The following TYK2 variants were observed in gnomAD, a reference collection of about 807,000 sequenced individuals.
TYK2 encodes tyrosine kinase 2.
TYK2 carries 65 observed loss-of-function variants against 130.9 expected under a neutral mutation model. That is an observed-to-expected ratio of 0.50 (90% CI 0.41 to 0.61). The LOEUF (loss-of-function observed/expected upper bound fraction) is 0.61. TYK2 is among the 20% of genes least tolerant of loss of function. The probability of loss-of-function intolerance (pLI) is 0.00; values close to 1 mark genes in which losing one functional copy is unlikely to be tolerated. For missense variants in TYK2, 1,378 were observed against 1,610.7 expected, an observed-to-expected ratio of 0.86 and a Z score of 2.47; for synonymous variants, 647 against 658.9, an observed-to-expected ratio of 0.98 and a Z score of 0.28.
In TYK2 at chr19:10,362,615, C is replaced by T. The variant is rs2041466688; in HGVS notation, c.1410G>A (p.Leu470=). The change falls in exon 10 of 25, where the codon CTG becomes CTA. Residue 470 remains leucine, a synonymous_variant. Coordinates refer to ENST00000525621, the MANE Select transcript of TYK2 (RefSeq NM_003331.5). ...GGCTGGTGCTCCAGTGAATGAGGTA[C>T]AGGCCGTCCTCGGGCCGCAGCTTGG... The part of the protein sequence containing the change: ...VQAKLRPEDG[L]YLIHWSTSHP... The T allele has an allele frequency of 1.3e-6, 2 of 1,552,760 alleles. No individual in the cohort carries two copies. Among genetic ancestry groups the T allele is most frequent in the Non-Finnish European group, 1.7e-6 (2 of 1,147,560 alleles).
Position 10,361,590 on chromosome 19 carries a change from G to A in TYK2, c.1968C>T (p.Tyr656=), listed in dbSNP as rs764154157. 1.3e-5 allele frequency: 20 copies of A among 1,548,990 alleles called. No homozygotes were observed. The highest frequency in any genetic ancestry group is 6.9e-5 in the African/African-American group (5 of 72,966). ...CCTGGCTCATGAGGCTGGCTGTCTC[G>A]TAGAAGGCCTGTGGGGACCGGGCAG... ...PSHHDIALAF[Y]ETASLMSQVS... is the part of the protein sequence containing the mutation. The change falls in exon 14 of 25, where the codon TAC becomes TAT. Residue 656 remains tyrosine (Y), a synonymous_variant. Coordinates refer to ENST00000525621, the MANE Select transcript of TYK2 (RefSeq NM_003331.5). This position sits in a 1 kb window ranked among gnomAD's most constrained non-coding sequence, Gnocchi z 4.0.
chr19:10,376,288 C>T (rs908427233), intron 3 of TYK2, among the ~76,000 whole-genome samples: 1 of 96,538 alleles, frequency 1.0e-5, no homozygotes, highest in African/African-American at 4.4e-5. Flanking sequence ...GTTGGGATTA[C>T]AGGCATGAGC....
At chr19:10,352,218 C>T (rs1011718978) in intron 23 of TYK2, among the ~76,000 whole-genome samples, 1 of 151,920 alleles carries the variant, frequency 6.6e-6, no homozygotes. Context: ...ACTACAGGCG[C>T]CCGCCACCAC....
intron 17 of TYK2, 179 bp from the exon 18 acceptor site, chr19:10,356,897 C>T (rs988501157): frequency 1.5e-6 from 1 of 666,328 alleles, no homozygotes; most frequent in Non-Finnish European, 2.6e-6. Flanking sequence ...GCCGTAGAAC[C>T]AGGACTGGGA....
Position 10,353,723 on chromosome 19 carries a change from G to A in TYK2, c.2909-77C>T, listed in dbSNP as rs537502768. On this transcript the variant is annotated intron_variant, in intron 20 of 24. Transcript: ENST00000525621. The surrounding 1 kb of genome is among the most constrained non-coding windows in gnomAD (Gnocchi z 6.9). ...GACCGCCTACCTTGAGCCCAGCAGAGCCCCTCCAAGGTCGGGAGGGAAGGC... is the reference window on the plus strand; with the variant it reads ...GACCGCCTACCTTGAGCCCAGCAGAACCCCTCCAAGGTCGGGAGGGAAGGC... 6.6e-5 allele frequency: 76 copies of A among 1,156,862 alleles called. No individual in the cohort carries two copies. Among genetic ancestry groups the A allele is most frequent in the Non-Finnish European group, 8.8e-5 (74 of 836,662 alleles). 71.7% of individuals were successfully genotyped at this position (1,156,862 alleles called of 1,614,324 possible).
At chr19:10,356,480 CAGA>C in intron 18 of TYK2, 85 bp downstream of exon 18, 1 of 1,555,826 alleles carries the variant, frequency 6.4e-7, no homozygotes, top group Non-Finnish European at 8.8e-7. Context: ...AACCACTGTG[CAGA>C]GACCTCTCGT....
At position 10,362,313 on chromosome 19, in the gene TYK2, G is replaced by C. The variant is rs72561471; in HGVS notation, c.1620C>G (p.Ala540=). ...GACGCAGAGAGAAGCAGTCATCCCCGGCCCTCAGCAAGCAGCCCTGCAAGG... is the reference window on the plus strand; with the variant it reads ...GACGCAGAGAGAAGCAGTCATCCCCCGCCCTCAGCAAGCAGCCCTGCAAGG... ...GAALQGCLLR[A]GDDCFSLRRC... is the part of the protein sequence containing the mutation. Residue 540 remains alanine (A), a synonymous_variant, in exon 11 of 25, where the codon GCC becomes GCG. Transcript: ENST00000525621. 1 of 1,614,124 alleles carries C rather than the reference G, an allele frequency of 6.2e-7. No individual in the cohort carries two copies. Among genetic ancestry groups the C allele is most frequent in the Non-Finnish European group, 8.5e-7 (1 of 1,180,000 alleles).
In TYK2 at chr19:10,352,437, G is replaced by A. The variant is rs373614901; in HGVS notation, c.3315C>T (p.Pro1105=). The change falls in exon 23 of 25, where the codon CCC becomes CCT. Residue 1105 remains proline (P), a synonymous_variant. Transcript: ENST00000525621. The part of the protein sequence containing the change: ...LTHCDSSQSP[P]TKFLELIGIA... Reference sequence around the variant, plus strand: ...GGGCTGCGGGCCTGGCTCTCACCGTGGGGGGGCTCTGGCTGGAGTCACAGT... The same window carrying A: ...GGGCTGCGGGCCTGGCTCTCACCGTAGGGGGGCTCTGGCTGGAGTCACAGT... 3 of 1,602,890 alleles carry A rather than the reference G, an allele frequency of 1.9e-6. No individual in the cohort carries two copies. The highest frequency in any genetic ancestry group is 2.6e-6 in the Non-Finnish European group (3 of 1,171,174).
intron 18 of TYK2, 78 bp from the exon 19 acceptor site, chr19:10,354,687 G>T: frequency 8.4e-7 from 1 of 1,196,782 alleles, no homozygotes; most frequent in Non-Finnish European, 1.2e-6. Flanking sequence ...CACAAAGCCA[G>T]CCACAGCTAC....
At position 10,356,584 on chromosome 19, in the gene TYK2, G is replaced by A. The variant is rs201305768; in HGVS notation, c.2601C>T (p.Thr867=). 1 of 1,613,460 alleles carries A rather than the reference G, an allele frequency of 6.2e-7. No individual in the cohort carries two copies. The highest frequency in any genetic ancestry group is 8.5e-7 in the Non-Finnish European group (1 of 1,180,000). The change falls in exon 18 of 25, where the codon ACC becomes ACT. Residue 867 remains threonine, a synonymous_variant. Coordinates refer to ENST00000525621, the MANE Select transcript of TYK2 (RefSeq NM_003331.5). ...PSFRTILRDL[T]RLQPHNLADV... is the part of the protein sequence containing the mutation. Reference sequence around the variant, plus strand: ...GGAGCTCACTGTGGGGCTGCAGCCGGGTGAGGTCACGCAGGATGGTGCGGA... The same window carrying A: ...GGAGCTCACTGTGGGGCTGCAGCCGAGTGAGGTCACGCAGGATGGTGCGGA...
chr19:10,357,665 G>A (rs1370472950), intron 17 of TYK2, 99 bp downstream of exon 17: 10 of 1,507,642 alleles, frequency 6.6e-6, no homozygotes, highest in South Asian at 3.6e-5. Context: ...TTGAAGTCAC[G>A]AGGCCAGAAG....
rs1482096674 is a variant in TYK2 at position 10,374,628 on chromosome 19, C to T, written c.193+3586G>A. Reference sequence around the variant, plus strand: ...AAAAGCCGGGCACGGTGGCTCACACCTGTCATCCCAGCACTTTGAGAGGCC... The same window carrying T: ...AAAAGCCGGGCACGGTGGCTCACACTTGTCATCCCAGCACTTTGAGAGGCC... On this transcript the variant is annotated intron_variant, in intron 3 of 24. Transcript: ENST00000525621. Among the ~76,000 whole-genome samples, 5 of 149,622 alleles carry T rather than the reference C, an allele frequency of 3.3e-5. No individual in the cohort carries two copies. In the South Asian group the frequency reaches 1.1e-3, roughly 32 times the overall value.
In TYK2 at chr19:10,361,410, T is replaced by C. The variant is rs1009361984; in HGVS notation, c.2047+101A>G. The stretch of plus-strand genomic sequence containing the variant: ...ACAGGTGAGAGTTGAGAAATAGGCA[T>C]AGGTTGGGGTGTAGGTCGAGGGTTG... On this transcript the variant is annotated intron_variant, in intron 14 of 24. Transcript: ENST00000525621. This position sits in a 1 kb window ranked among gnomAD's most constrained non-coding sequence, Gnocchi z 4.0. The C allele has an allele frequency of 6.1e-6, 7 of 1,149,592 alleles. No homozygotes were observed. In the African/African-American group the frequency reaches 9.2e-5, roughly 15 times the overall value. 71.2% of individuals were successfully genotyped at this position (1,149,592 alleles called of 1,614,324 possible). A position where few individuals can be genotyped will look rare whatever the true frequency, so the allele number is the denominator to read the frequency against.
At chr19:10,378,654 C>T in intron 2 of TYK2, 1 of 555,826 alleles carries the variant, frequency 1.8e-6, no homozygotes, top group Non-Finnish European at 3.2e-6. Context: ...AACACTGAAC[C>T]CTCCTCTCTT....
intron 14 of TYK2, chr19:10,360,978 C>G (rs1407037763): frequency 1.2e-5 from 4 of 338,426 alleles, no homozygotes; most frequent in Non-Finnish European, 2.4e-5. Context: ...TGGTCTTGAA[C>G]TCCTGGGTTT....
Position 10,368,792 on chromosome 19 carries a change from T to C in TYK2, c.194-374A>G, listed in dbSNP as rs2041788142. On this transcript the variant is annotated intron_variant, in intron 3 of 24. Coordinates refer to ENST00000525621, the MANE Select transcript of TYK2 (RefSeq NM_003331.5). ...TAAGACAGAGGTGAACCATCCAACC[T>C]GTACTTGATTTTAAGTAAAACTTTT... 6 of 241,180 alleles carry C rather than the reference T, an allele frequency of 2.5e-5. No homozygotes were observed. The South Asian group carries it at 3.3e-4, about 13-fold the overall frequency. 14.9% of individuals were successfully genotyped at this position (241,180 alleles called of 1,614,324 possible). A position where few individuals can be genotyped will look rare whatever the true frequency, so the allele number is the denominator to read the frequency against.
At chr19:10,374,566 C>T (rs12610298) in intron 3 of TYK2, among the ~76,000 whole-genome samples, 20,536 of 117,012 alleles carry the variant, frequency 0.18, 1,981 homozygotes, top group East Asian at 0.49. Context: ...GCCTGGGTGA[C>T]AGAGCGAGAC....
At position 10,362,154 on chromosome 19, in the gene TYK2, C is replaced by T. The variant is rs371176574; in HGVS notation, c.1697G>A (p.Gly566Glu). Residue 566 changes from glycine (G) to glutamate (E), a missense_variant, in exon 12 of 25, where the codon GGG (glycine) becomes GAG (glutamate). By Grantham distance (98) the Gly-to-Glu change is moderately conservative (BLOSUM62 -2). Coordinates refer to ENST00000525621, the MANE Select transcript of TYK2 (RefSeq NM_003331.5). ...GETSNLIIMR[G>E]ARASPRTLNL... The stretch of plus-strand genomic sequence containing the variant: ...GAGTGTCCTGGGGCTGGCCCGAGCC[C>T]CCCGCATGATGATGAGATTGGAGGT... 1.2e-6 allele frequency: 2 copies of T among 1,614,056 alleles called. No individual in the cohort carries two copies. The highest frequency in any genetic ancestry group is 1.1e-5 in the South Asian group (1 of 91,092).
chr19:10,363,531 A>G (rs1437181100), intron 9 of TYK2, among the ~76,000 whole-genome samples: 1 of 151,754 alleles, frequency 6.6e-6, no homozygotes, highest in Non-Finnish European at 1.5e-5. Flanking sequence ...GGTGACACAC[A>G]CTCCAAGATT....
Sources: gnomAD v4.1 joint callset for allele counts (sites outside exome capture counted in the v4.1 genomes callset) on GRCh38, gnomAD v4.1.1 for gene constraint, Gnocchi (gnomAD v3.1) non-coding constraint, MANE v1.5 for transcripts, NCBI Gene and HGNC (gene_info 2026-07-23, HGNC 2026-07-21) for gene names.